Variants in COLEC12 observed in about 807,000 individuals in gnomAD.
The protein encoded by COLEC12 is collectin-12.
A neutral mutation model predicts 71.1 loss-of-function variants in COLEC12; 33 were observed. That is an observed-to-expected ratio of 0.46 (90% CI 0.35 to 0.62). The LOEUF (loss-of-function observed/expected upper bound fraction) is 0.62, where lower values mean the gene tolerates loss of function less well. Among genes scored for constraint, COLEC12 ranks in the 20% least tolerant of loss-of-function variants. The pLI is 0.00. For synonymous variants in COLEC12, 350 were observed against 353.0 expected (o/e 0.99, Z 0.10); for missense variants, 765 against 916.1 (o/e 0.84, Z 2.13).
At chr18:398,926 G>A (rs1183398956) in intron 2 of COLEC12, among the ~76,000 whole-genome samples, 1 of 152,138 alleles carries the variant, frequency 6.6e-6, no homozygotes, top group Non-Finnish European at 1.5e-5. Context: ...AGTGTCCATG[G>A]ACTTAAATAA....
intron 2 of COLEC12, among the ~76,000 whole-genome samples, chr18:378,616 T>G (rs191357423): frequency 7.4e-4 from 113 of 152,282 alleles, no homozygotes; most frequent in Admixed American, 2.4e-3. Context: ...TCTTGGCAAT[T>G]GCTAGTAAAA....
intron 2 of COLEC12, among the ~76,000 whole-genome samples, chr18:452,529 C>T (rs1001430304): frequency 7.9e-5 from 12 of 152,264 alleles, no homozygotes; most frequent in East Asian, 3.9e-4. Context: ...CATCTTCCTC[C>T]GCCTCACAAC....
intron 1 of COLEC12, among the ~76,000 whole-genome samples, chr18:498,221 A>C (rs1252411990): frequency 6.6e-6 from 1 of 152,188 alleles, no homozygotes; most frequent in Non-Finnish European, 1.5e-5. Flanking sequence ...TGTAGTGTAT[A>C]TAGTACAGTG....
rs1555611780 is a variant in COLEC12, at chr18:319,329, A to ATATAT, written c.*715_*716insATATA. ...CTGAGGAAATGAAACATTAAAAAAA[A>ATATAT]AAAAAAAAAAAAATATATATATATA... On this transcript the variant is annotated 3_prime_UTR_variant, in exon 10 of 10. Transcript: ENST00000400256. 7 of 29,506 alleles carry ATATAT rather than the reference A, an allele frequency of 2.4e-4. No individual in the cohort carries two copies. The highest frequency in any genetic ancestry group is 3.1e-4 in the Non-Finnish European group (4 of 12,778). The allele number at this position is 29,506 out of a possible 1,614,324, so 1.8% of individuals were successfully genotyped here. A position where few individuals can be genotyped will look rare whatever the true frequency, so the allele number is the denominator to read the frequency against.
At chr18:451,968 A>G (rs9303951) in intron 2 of COLEC12, among the ~76,000 whole-genome samples, 29,547 of 152,196 alleles carry the variant, frequency 0.19, 2,943 homozygotes, top group Middle Eastern at 0.26. Context: ...GGCATTTCAG[A>G]GAACTTTGTG....
chr18:464,058 T>C (rs1917037784), intron 2 of COLEC12, among the ~76,000 whole-genome samples: 1 of 152,116 alleles, frequency 6.6e-6, no homozygotes, highest in African/African-American at 2.4e-5. Flanking sequence ...CCTGAGCTAA[T>C]CCCTGCCTGT....
In COLEC12 at chr18:446,490, C is replaced by T. The variant is rs576386130; in HGVS notation, c.58+34217G>A. Reference sequence around the variant, plus strand: ...GCCAAAGCAGGAGGATTACTTGAGCCCAGAAGTTCAAGACCAGCCTGGGCA... The same window carrying T: ...GCCAAAGCAGGAGGATTACTTGAGCTCAGAAGTTCAAGACCAGCCTGGGCA... On this transcript the variant is annotated intron_variant, in intron 2 of 9. Coordinates refer to ENST00000400256, the MANE Select transcript of COLEC12 (RefSeq NM_130386.3). 1.5e-4 allele frequency among the ~76,000 whole-genome samples: 22 copies of T among 150,076 alleles called. No homozygotes were observed. In the South Asian group the frequency reaches 4.4e-3, roughly 30 times the overall value.
At chr18:418,284 A>T (rs1300796624) in intron 2 of COLEC12, among the ~76,000 whole-genome samples, 1 of 152,226 alleles carries the variant, frequency 6.6e-6, no homozygotes, top group African/African-American at 2.4e-5. Context: ...AAAATAAAGG[A>T]TCTTTTCTTC....
intron 1 of COLEC12, among the ~76,000 whole-genome samples, chr18:499,599 C>G (rs1323756452): frequency 1.3e-5 from 2 of 152,196 alleles, no homozygotes; most frequent in African/African-American, 4.8e-5. Context: ...AGCACAGAAC[C>G]AGCAACTCTC....
At chr18:398,666 A>T (rs1178809000) in intron 2 of COLEC12, among the ~76,000 whole-genome samples, 1 of 152,240 alleles carries the variant, frequency 6.6e-6, no homozygotes, top group Non-Finnish European at 1.5e-5. Flanking sequence ...CTGCAGAAGA[A>T]TTAGAAGAGT....
chr18:455,227 G>C (rs981454210), intron 2 of COLEC12, among the ~76,000 whole-genome samples: 1 of 151,674 alleles, frequency 6.6e-6, no homozygotes, highest in African/African-American at 2.4e-5. Flanking sequence ...CTATAATGTG[G>C]TAAAAACAGC....
At chr18:348,567 T>C (rs1255625343) in intron 3 of COLEC12, among the ~76,000 whole-genome samples, 3 of 152,216 alleles carry the variant, frequency 2.0e-5, no homozygotes, top group Non-Finnish European at 4.4e-5. Context: ...TTCCCTAACA[T>C]TCTTGGCAGG....
chr18:393,485 C>A (rs1915506414), intron 2 of COLEC12, among the ~76,000 whole-genome samples: 1 of 152,032 alleles, frequency 6.6e-6, no homozygotes, highest in African/African-American at 2.4e-5. Context: ...CCACCTCTAA[C>A]AACTGTACAT....
intron 2 of COLEC12, among the ~76,000 whole-genome samples, chr18:428,307 G>A (rs1466774904): frequency 6.6e-6 from 1 of 151,918 alleles, no homozygotes; most frequent in Non-Finnish European, 1.5e-5. Context: ...TTGATTCAGT[G>A]TTTACCACAG....
At position 334,818 on chromosome 18, in the gene COLEC12, G is replaced by C. The variant is rs773546651; in HGVS notation, c.1740C>G (p.Pro580=). ...VPGMPGPKGP[P]GPPGPSGAVV... ...CCGCTCCTGATGGGCCAGGAGGGCC[G>C]GGGGGGCCCTTGGGGCCTGGCATGC... Residue 580 remains proline, a synonymous_variant, in exon 6 of 10, where the codon CCC becomes CCG. Transcript: ENST00000400256. 11 of 1,506,860 alleles carry C rather than the reference G, an allele frequency of 7.3e-6. No homozygotes were observed. In the East Asian group the frequency reaches 2.8e-4, roughly 38 times the overall value. The allele number at this position is 1,506,860 out of a possible 1,614,324, so 93.3% of individuals were successfully genotyped here.
chr18:330,961 C>T (rs1051383018), intron 8 of COLEC12, among the ~76,000 whole-genome samples: 3 of 148,870 alleles, frequency 2.0e-5, no homozygotes, highest in Admixed American at 6.8e-5. Flanking sequence ...CTTGCTACAA[C>T]CTCCGCCTCC....
chr18:480,567 T>C lies in COLEC12; in HGVS notation c.58+140A>G. On this transcript the variant is annotated intron_variant, in intron 2 of 9. Coordinates refer to ENST00000400256, the MANE Select transcript of COLEC12 (RefSeq NM_130386.3). The surrounding 1 kb of genome is among the most constrained non-coding windows in gnomAD (Gnocchi z 4.1). ...CCCCCTGGGACACAGACACTCACTT[T>C]CCAACCAAAATTGGACCTCAGAGCC... 1 of 764,658 alleles carries C rather than the reference T, an allele frequency of 1.3e-6. No homozygotes were observed. The highest frequency in any genetic ancestry group is 2.3e-6 in the Non-Finnish European group (1 of 429,060). The allele number at this position is 764,658 out of a possible 1,614,324, so 47.4% of individuals were successfully genotyped here.
intron 2 of COLEC12, among the ~76,000 whole-genome samples, chr18:479,893 A>T (rs1917380278): frequency 6.6e-6 from 1 of 152,216 alleles, no homozygotes; most frequent in Non-Finnish European, 1.5e-5. Flanking sequence ...ACCTTCAGCC[A>T]GCTGAAATAT....
chr18:383,931 A>G (rs59298603), intron 2 of COLEC12, among the ~76,000 whole-genome samples: 29,635 of 152,108 alleles, frequency 0.19, 3,104 homozygotes, highest in Middle Eastern at 0.29. Flanking sequence ...AATGAGAACC[A>G]AGCAAAAAGG....
Sources: allele counts gnomAD v4.1 joint callset (sites outside exome capture counted in the v4.1 genomes callset), GRCh38; gene constraint gnomAD v4.1.1; non-coding constraint Gnocchi (gnomAD v3.1); transcripts MANE v1.5; gene names NCBI Gene and HGNC (gene_info 2026-07-23, HGNC 2026-07-21).